The following PRKN variants were observed in gnomAD, a reference collection of about 807,000 sequenced individuals.
PRKN encodes E3 ubiquitin-protein ligase parkin.
Under a neutral mutation model 59.5 loss-of-function variants are expected in PRKN, and 56 were observed. The observed-to-expected ratio is 0.94, with a 90% CI of 0.76 to 1.18. The LOEUF is 1.18. PRKN is among the 50% of genes most tolerant of loss of function. The pLI is 0.00. For missense variants in PRKN, 657 were observed against 596.4 expected (o/e 1.10, Z -1.06); for synonymous variants, 250 against 222.1 (o/e 1.13, Z -1.12).
In PRKN at chr6:162,727,681, G is replaced by T; in HGVS notation, c.-13C>A. On this transcript the variant is annotated 5_prime_UTR_variant, in exon 1 of 12. Coordinates refer to ENST00000366898, the MANE Select transcript of PRKN (RefSeq NM_004562.3). ...ACGTACCTATCATGGTCACTGGGTA[G>T]GTGGCGGCTGCGGGCCAGGAACAGG... 6.3e-7 allele frequency: 1 copy of T among 1,576,266 alleles called. No homozygotes were observed. Among genetic ancestry groups the T allele is most frequent in the Non-Finnish European group, 8.6e-7 (1 of 1,162,168 alleles).
chr6:161,956,712 C>T (rs1450254581), intron 6 of PRKN, among the ~76,000 whole-genome samples: 1 of 152,046 alleles, frequency 6.6e-6, no homozygotes, highest in Non-Finnish European at 1.5e-5. Flanking sequence ...CATATATATG[C>T]AATTATATAT....
At chr6:162,226,438 G>A (rs1778184746) in intron 3 of PRKN, among the ~76,000 whole-genome samples, 2 of 152,166 alleles carry the variant, frequency 1.3e-5, no homozygotes, top group Non-Finnish European at 2.9e-5. Flanking sequence ...CAGTCCTCAC[G>A]AGCAGAGCCA....
chr6:162,431,512 C>A (rs144920937), intron 2 of PRKN, among the ~76,000 whole-genome samples: 1 of 151,878 alleles, frequency 6.6e-6, no homozygotes, highest in Non-Finnish European at 1.5e-5. Context: ...GAGCCAAGAT[C>A]GCGCCACTGC....
At chr6:162,303,312 C>G (rs116250478) in intron 2 of PRKN, among the ~76,000 whole-genome samples, 3,964 of 152,200 alleles carry the variant, frequency 0.026, 164 homozygotes, top group African/African-American at 0.088. Context: ...TTTGCCTCAC[C>G]TAAGACAGCA....
At position 161,352,780 on chromosome 6, in the gene PRKN, TA is replaced by T. The variant is rs1326805407; in HGVS notation, c.1286-2570del. Among the ~76,000 whole-genome samples the T allele has an allele frequency of 6.7e-6, 1 of 149,080 alleles. No individual in the cohort carries two copies. The highest frequency in any genetic ancestry group is 2.5e-5 in the African/African-American group (1 of 40,684). ...GTATATATATATATATATTTTATTTTATTTTATTTTATTTTTTTGAGATGGA... is the reference window on the plus strand; with the variant it reads ...GTATATATATATATATATTTTATTTTTTTTATTTTATTTTTTTGAGATGGA... On this transcript the variant is annotated intron_variant, in intron 11 of 11. Transcript: ENST00000366898. The surrounding 1 kb of genome is among the most constrained non-coding windows in gnomAD (Gnocchi z 5.8).
chr6:162,594,527 A>C (rs1239806403), intron 1 of PRKN, among the ~76,000 whole-genome samples: 1 of 152,164 alleles, frequency 6.6e-6, no homozygotes, highest in African/African-American at 2.4e-5. Flanking sequence ...TTGATTCTTC[A>C]AAATCTTTCA....
At chr6:162,514,555 C>T (rs117606952) in intron 1 of PRKN, among the ~76,000 whole-genome samples, 2,039 of 152,282 alleles carry the variant, frequency 0.013, 18 homozygotes, top group Non-Finnish European at 0.02. Flanking sequence ...AAAGTCTGGC[C>T]GTGATGGCTC....
In PRKN at chr6:162,585,617, C is replaced by T. The variant is rs557995931; in HGVS notation, c.7+142045G>A. ...GAATGATTAAAAGATATAAAAAATGCTCAGTAAATGTTGGTAATTATTTTT... is the reference window on the plus strand; with the variant it reads ...GAATGATTAAAAGATATAAAAAATGTTCAGTAAATGTTGGTAATTATTTTT... On this transcript the variant is annotated intron_variant, in intron 1 of 11. Transcript: ENST00000366898. Among the ~76,000 whole-genome samples the T allele has an allele frequency of 3.3e-5, 5 of 152,246 alleles. No homozygotes were observed. The East Asian group carries it at 9.6e-4, about 29-fold the overall frequency.
chr6:161,835,357 A>G (rs933986408), intron 6 of PRKN, among the ~76,000 whole-genome samples: 3 of 151,116 alleles, frequency 2.0e-5, no homozygotes, highest in African/African-American at 7.3e-5. Context: ...TTCACGCAGA[A>G]CCCCCACTCC....
At chr6:162,519,391 A>G (rs551114893) in intron 1 of PRKN, among the ~76,000 whole-genome samples, 100 of 152,236 alleles carry the variant, frequency 6.6e-4, no homozygotes, top group African/African-American at 2.3e-3. Context: ...TGGGCCAGTT[A>G]CTAGTATTAG....
At chr6:162,694,661 T>TC (rs1353903231) in intron 1 of PRKN, 1 of 152,206 alleles carries the variant, frequency 6.6e-6, no homozygotes, top group African/African-American at 2.4e-5. Flanking sequence ...TTTTAATCTT[T>TC]CATACTTAAG....
At chr6:162,057,308 AAT>A (rs1215706119) in intron 4 of PRKN, among the ~76,000 whole-genome samples, 2 of 152,202 alleles carry the variant, frequency 1.3e-5, no homozygotes, top group Non-Finnish European at 2.9e-5. Context: ...TATGTAACCA[AAT>A]ATATATGTTA....
intron 7 of PRKN, among the ~76,000 whole-genome samples, chr6:161,682,620 C>T (rs193057138): frequency 2.6e-5 from 4 of 152,192 alleles, no homozygotes; most frequent in South Asian, 4.2e-4. Context: ...CATTCTCAGG[C>T]ACTGCGTTCA....
At chr6:162,026,245 A>G (rs574622628) in intron 5 of PRKN, among the ~76,000 whole-genome samples, 1 of 152,332 alleles carries the variant, frequency 6.6e-6, no homozygotes, top group East Asian at 1.9e-4. Flanking sequence ...TCATAGACAC[A>G]TGACAAATGG....
intron 5 of PRKN, among the ~76,000 whole-genome samples, chr6:162,034,296 A>G (rs1300013397): frequency 6.6e-6 from 1 of 151,824 alleles, no homozygotes; most frequent in Non-Finnish European, 1.5e-5. Flanking sequence ...AACAACCCTT[A>G]TGGAAGATGC....
At chr6:161,681,579 T>G (rs1785365579) in intron 7 of PRKN, among the ~76,000 whole-genome samples, 1 of 152,168 alleles carries the variant, frequency 6.6e-6, no homozygotes, top group African/African-American at 2.4e-5. Context: ...CTGTATTTAT[T>G]TGAAAATGAG....
intron 6 of PRKN, among the ~76,000 whole-genome samples, chr6:161,937,989 A>C (rs1344706773): frequency 6.6e-6 from 1 of 152,096 alleles, no homozygotes; most frequent in Non-Finnish European, 1.5e-5. Flanking sequence ...TCTGCACAGA[A>C]ATCAGTAAAA....
intron 4 of PRKN, among the ~76,000 whole-genome samples, chr6:162,132,542 G>A (rs916660206): frequency 6.6e-6 from 1 of 152,134 alleles, no homozygotes; most frequent in African/African-American, 2.4e-5. Context: ...TGTTTGTGAG[G>A]TTCAAATGCA....
chr6:162,166,034 C>T (rs536563272), intron 4 of PRKN, among the ~76,000 whole-genome samples: 94 of 111,524 alleles, frequency 8.4e-4, no homozygotes, highest in African/African-American at 3.5e-3. Context: ...GGCAACAGAG[C>T]GAGACTCTAT....
Sources: gnomAD v4.1 joint callset for allele counts (sites outside exome capture counted in the v4.1 genomes callset) on GRCh38, gnomAD v4.1.1 for gene constraint, Gnocchi (gnomAD v3.1) non-coding constraint, MANE v1.5 for transcripts, NCBI Gene and HGNC (gene_info 2026-07-23, HGNC 2026-07-21) for gene names.